Variants in GOLM1 observed in about 807,000 individuals in gnomAD.
The protein encoded by GOLM1 is golgi membrane protein 1.
In GOLM1, 31 loss-of-function variants were observed where a neutral mutation model predicts 50.5. The ratio of observed to expected loss-of-function variants is 0.61; its 90% CI spans 0.46 to 0.83. The LOEUF (loss-of-function observed/expected upper bound fraction) is 0.83. Among genes scored for constraint, GOLM1 ranks in the 40% least tolerant of loss-of-function variants. The probability of loss-of-function intolerance (pLI) is 0.00; values close to 1 mark genes in which losing one functional copy is unlikely to be tolerated. For missense variants in GOLM1, 491 were observed against 501.3 expected, an observed-to-expected ratio of 0.98 and a Z score of 0.20; for synonymous variants, 178 against 192.8, an observed-to-expected ratio of 0.92 and a Z score of 0.64.
At chr9:86,031,608 T>C (rs1832986807) in intron 9 of GOLM1, among the ~76,000 whole-genome samples, 1 of 151,470 alleles carries the variant, frequency 6.6e-6, no homozygotes, top group Non-Finnish European at 1.5e-5. Flanking sequence ...ATTACAGGCA[T>C]GTGCCACCAC....
intron 4 of GOLM1, among the ~76,000 whole-genome samples, chr9:86,050,631 A>AT (rs1833715131): frequency 6.6e-6 from 1 of 151,796 alleles, no homozygotes; most frequent in African/African-American, 2.4e-5. Context: ...TTTCTTCTAG[A>AT]TTTTCTAGTT....
At chr9:86,046,647 G>T in intron 4 of GOLM1, 75 bp from the exon 5 acceptor site, 1 of 841,910 alleles carries the variant, frequency 1.2e-6, no homozygotes. Flanking sequence ...TATGACAGAG[G>T]CAGACTCACA....
At chr9:86,066,574 T>C (rs1479682411) in intron 3 of GOLM1, among the ~76,000 whole-genome samples, 1 of 152,236 alleles carries the variant, frequency 6.6e-6, no homozygotes, top group South Asian at 2.1e-4. Context: ...AAACATTACC[T>C]TTGCACCTCT....
chr9:86,052,533 T>C lies in GOLM1; in HGVS notation c.364+4A>G. ...CCTGGTGTGGAGGAGCGAGCGGAAC[T>C]TACCTTGCAGCACTCGGATGAGCCT... On this transcript the variant is annotated splice_donor_region_variant and intron_variant, in intron 4 of 9. Coordinates refer to ENST00000388712, the MANE Select transcript of GOLM1 (RefSeq NM_016548.4). The C allele has an allele frequency of 6.2e-7, 1 of 1,613,482 alleles. No homozygotes were observed. The highest frequency in any genetic ancestry group is 8.5e-7 in the Non-Finnish European group (1 of 1,179,450).
intron 3 of GOLM1, among the ~76,000 whole-genome samples, chr9:86,062,120 T>C (rs1479151300): frequency 1.3e-5 from 2 of 152,152 alleles, no homozygotes; most frequent in African/African-American, 2.4e-5. Context: ...CCCTGTGTTG[T>C]CACAGGGAAG....
chr9:86,079,439 C>A, intron 1 of GOLM1, 98 bp from the exon 2 acceptor site: 2 of 984,050 alleles, frequency 2.0e-6, no homozygotes, highest in Admixed American at 2.7e-5. Flanking sequence ...GGAGTCTTGC[C>A]AAGAAGCGTG....
intron 5 of GOLM1, among the ~76,000 whole-genome samples, chr9:86,045,765 A>T (rs891851344): frequency 2.0e-5 from 3 of 152,254 alleles, no homozygotes; most frequent in Admixed American, 2.0e-4. Context: ...TGATGACTGC[A>T]ATTAAGTAAA....
chr9:86,038,234 A>C (rs1042601765), intron 6 of GOLM1, among the ~76,000 whole-genome samples: 2 of 152,074 alleles, frequency 1.3e-5, no homozygotes, highest in African/African-American at 4.8e-5. Flanking sequence ...TTTTACCCCT[A>C]GGAGCTCAAC....
chr9:86,088,218 T>A (rs962542415), intron 1 of GOLM1, among the ~76,000 whole-genome samples: 37 of 151,930 alleles, frequency 2.4e-4, no homozygotes, highest in African/African-American at 7.5e-4. Context: ...TTTTCTAGTT[T>A]ATTTGCGTAG....
intron 3 of GOLM1, among the ~76,000 whole-genome samples, chr9:86,054,465 T>C (rs1031540970): frequency 9.9e-5 from 15 of 152,086 alleles, no homozygotes; most frequent in East Asian, 3.9e-4. Flanking sequence ...CTCAAGTGAT[T>C]CGGCCGCCTT....
chr9:86,027,111 G>A lies in GOLM1; in HGVS notation c.*706C>T, dbSNP rs758129153. On this transcript the variant is annotated 3_prime_UTR_variant, in exon 10 of 10. Coordinates refer to ENST00000388712, the MANE Select transcript of GOLM1 (RefSeq NM_016548.4). The stretch of plus-strand genomic sequence containing the variant: ...GGAAGATGTTGCTTTGCCCACACAC[G>A]AAGCAAAGTAAATAAAGACCACAAA... The A allele has an allele frequency of 6.9e-5, 68 of 984,362 alleles. No individual in the cohort carries two copies. The highest frequency in any genetic ancestry group is 7.6e-5 in the Non-Finnish European group (63 of 829,898). 61.0% of individuals were successfully genotyped at this position (984,362 alleles called of 1,614,324 possible). A position where few individuals can be genotyped will look rare whatever the true frequency, so the allele number is the denominator to read the frequency against.
rs115574773 is a variant in GOLM1, at chr9:86,032,850, A to C, written c.1129+432T>G. ...AAGGCCAGAGTTTGATACATTCTAC[A>C]AGATACTGGCCTGGACTCTTCAAAA... On this transcript the variant is annotated intron_variant, in intron 9 of 9. Transcript: ENST00000388712. Among the ~76,000 whole-genome samples the C allele has an allele frequency of 5.0e-3, 763 of 152,310 alleles. 4 individuals are homozygous for C. Among genetic ancestry groups the C allele is most frequent in the African/African-American group, 0.018 (730 of 41,560 alleles).
intron 3 of GOLM1, among the ~76,000 whole-genome samples, chr9:86,063,461 TTTGGGGATGAAA>T (rs2118794828): frequency 6.6e-6 from 1 of 152,268 alleles, no homozygotes; most frequent in East Asian, 1.9e-4. Flanking sequence ...TACACAGACC[TTTGGGGATGAAA>T]GAGAAACTAA....
chr9:86,069,866 C>T (rs956781092), intron 3 of GOLM1, among the ~76,000 whole-genome samples: 3 of 150,416 alleles, frequency 2.0e-5, no homozygotes, highest in African/African-American at 7.5e-5. Context: ...CCATTTTAGT[C>T]TCCAAGGCTC....
chr9:86,034,313 T>C (rs550822007), intron 8 of GOLM1, among the ~76,000 whole-genome samples: 2 of 152,284 alleles, frequency 1.3e-5, no homozygotes, highest in South Asian at 4.1e-4. Context: ...CTCTAGTCTC[T>C]TTCTCTGGCT....
At chr9:86,052,317 G>A (rs1274065296) in intron 4 of GOLM1, among the ~76,000 whole-genome samples, 1 of 152,068 alleles carries the variant, frequency 6.6e-6, no homozygotes, top group Admixed American at 6.5e-5. Context: ...TAACTCTTCT[G>A]TACCTAACAG....
At chr9:86,094,164 G>GTT (rs35694231) in intron 1 of GOLM1, among the ~76,000 whole-genome samples, 1 of 149,700 alleles carries the variant, frequency 6.7e-6, no homozygotes, top group Non-Finnish European at 1.5e-5. Flanking sequence ...TCCGGGCCTG[G>GTT]TTTTTTTTTT....
intron 7 of GOLM1, 124 bp from the exon 8 acceptor site, chr9:86,035,749 G>A (rs963436772): frequency 8.0e-5 from 69 of 861,194 alleles, no homozygotes; most frequent in Non-Finnish European, 1.2e-4. Flanking sequence ...GGGGTGGGGT[G>A]GGCTGCACAC....
chr9:86,085,325 C>T (rs1476047694), intron 1 of GOLM1, among the ~76,000 whole-genome samples: 3 of 151,956 alleles, frequency 2.0e-5, no homozygotes, highest in Non-Finnish European at 4.4e-5. Context: ...CTGGGGTGTT[C>T]ATCTTATTGA....
Sources: allele counts gnomAD v4.1 joint callset (sites outside exome capture counted in the v4.1 genomes callset), GRCh38; gene constraint gnomAD v4.1.1; transcripts MANE v1.5; gene names NCBI Gene and HGNC (gene_info 2026-07-23, HGNC 2026-07-21).